PDS5B: variants seen among roughly 807,000 people sequenced by gnomAD.
PDS5B encodes PDS5 cohesin associated factor B, also known as sister chromatid cohesion protein PDS5 homolog B.
Under a neutral mutation model 184.1 loss-of-function variants are expected in PDS5B, and 51 were observed. That is an observed-to-expected ratio of 0.28 (90% confidence interval 0.22 to 0.35). The LOEUF is 0.35. PDS5B is among the 10% of genes least tolerant of loss of function. The probability of loss-of-function intolerance (pLI) is 1.00; values close to 1 mark genes in which losing one functional copy is unlikely to be tolerated. For missense variants in PDS5B, 1,180 were observed against 1,723.3 expected (o/e 0.68, Z 5.58); for synonymous variants, 566 against 569.2 (o/e 0.99, Z 0.08).
chr13:32,597,843 C>CAA (rs779825923), intron 1 of PDS5B, among the ~76,000 whole-genome samples: 1 of 84,100 alleles, frequency 1.2e-5, no homozygotes, highest in Non-Finnish European at 2.5e-5. Flanking sequence ...GACTCTGTCT[C>CAA]AAAAAAAAAA....
intron 31 of PDS5B, among the ~76,000 whole-genome samples, chr13:32,769,165 TA>T: frequency 6.6e-6 from 1 of 151,358 alleles, no homozygotes; most frequent in East Asian, 1.9e-4. Context: ...AAATAACACT[TA>T]AAAATAAGCA....
chr13:32,719,175 GTTA>G (rs1199449525), intron 19 of PDS5B, among the ~76,000 whole-genome samples: 1 of 152,080 alleles, frequency 6.6e-6, no homozygotes, highest in Admixed American at 6.6e-5. Context: ...TTGGATTATT[GTTA>G]TTATTACTAT....
In PDS5B at chr13:32,735,177, G is replaced by T; in HGVS notation, c.2253G>T (p.Leu751=). 1 of 1,581,698 alleles carries T rather than the reference G, an allele frequency of 6.3e-7. No homozygotes were observed. The highest frequency in any genetic ancestry group is 1.2e-5 in the South Asian group (1 of 82,458). The stretch of plus-strand genomic sequence containing the variant: ...TTTCCTCCCCTCATTTTCAGCCTCT[G>T]CATAAGAGCCTAGATCCAAGCAACC... The part of the protein sequence containing the change: ...ETQFAQIFEP[L]HKSLDPSNLE... Residue 751 remains leucine (L), a synonymous_variant, in exon 21 of 35, where the codon CTG becomes CTT. Transcript: ENST00000315596.
intron 19 of PDS5B, among the ~76,000 whole-genome samples, chr13:32,717,687 TAA>T (rs1293060097): frequency 0.023 from 1,359 of 58,678 alleles, 25 homozygotes; most frequent in African/African-American, 0.077. Flanking sequence ...GAATGATCAA[TAA>T]AAAAAAAAAA....
intron 15 of PDS5B, 101 bp downstream of exon 15, chr13:32,697,003 A>G (rs1951726925): frequency 3.0e-6 from 2 of 667,546 alleles, no homozygotes; most frequent in South Asian, 1.9e-5. Context: ...ATGATAATAT[A>G]GGAATTTTAA....
At chr13:32,729,636 AT>A (rs1953032618) in intron 19 of PDS5B, among the ~76,000 whole-genome samples, 1 of 152,172 alleles carries the variant, frequency 6.6e-6, no homozygotes. Context: ...AATGATCGCA[AT>A]TCTAACTGAT....
intron 14 of PDS5B, among the ~76,000 whole-genome samples, chr13:32,695,513 TA>T (rs2140852654): frequency 6.6e-6 from 1 of 152,096 alleles, no homozygotes; most frequent in Admixed American, 6.6e-5. Context: ...GAGCTCTGTA[TA>T]TTTACCTCCT....
rs969519207 is a variant in PDS5B, at chr13:32,773,203, C to G, written c.4187C>G (p.Ser1396Cys). 1.2e-6 allele frequency: 2 copies of G among 1,612,014 alleles called. No homozygotes were observed. Among genetic ancestry groups the G allele is most frequent in the Non-Finnish European group, 1.7e-6 (2 of 1,179,192 alleles). Residue 1396 changes from serine (S) to cysteine (C), a missense_variant, in exon 34 of 35, where the codon TCC becomes TGC. Physicochemically the swap from Ser to Cys is moderately radical, Grantham distance 112 (BLOSUM62 -1). Coordinates refer to ENST00000315596, the MANE Select transcript of PDS5B (RefSeq NM_015032.4). ...TTTTACTCTAGCCGTGTAGGACGCT[C>G]CAAACAAGCAGCTACTAAGGAAAAT... ...QPKKNVRVGR[S>C]KQAATKENDS...
intron 19 of PDS5B, among the ~76,000 whole-genome samples, chr13:32,717,623 C>T (rs1470254403): frequency 2.9e-5 from 4 of 138,754 alleles, no homozygotes; most frequent in Admixed American, 7.2e-5. Flanking sequence ...GCTGACCTTC[C>T]CTCCACTATT....
chr13:32,672,379 A>G (rs1239629833), intron 7 of PDS5B, among the ~76,000 whole-genome samples: 1 of 152,006 alleles, frequency 6.6e-6, no homozygotes, highest in Non-Finnish European at 1.5e-5. Flanking sequence ...GAGTGTATGT[A>G]TATACAGACA....
intron 1 of PDS5B, among the ~76,000 whole-genome samples, chr13:32,620,075 A>G (rs2058275622): frequency 1.3e-5 from 2 of 152,120 alleles, no homozygotes; most frequent in African/African-American, 4.8e-5. Flanking sequence ...CTAGGATTAC[A>G]GTCATGAGCC....
chr13:32,708,291 C>T (rs1952089630), intron 18 of PDS5B, among the ~76,000 whole-genome samples: 1 of 152,236 alleles, frequency 6.6e-6, no homozygotes, highest in South Asian at 2.1e-4. Context: ...CCCTTGAATT[C>T]TTTCCTTGGC....
intron 24 of PDS5B, among the ~76,000 whole-genome samples, chr13:32,748,479 T>A (rs1446886404): frequency 1.1e-4 from 17 of 149,454 alleles, no homozygotes; most frequent in African/African-American, 4.0e-4. Flanking sequence ...TTTTTTTTTT[T>A]AAATGTATGT....
At chr13:32,600,570 G>C (rs2057958247) in intron 1 of PDS5B, among the ~76,000 whole-genome samples, 1 of 152,142 alleles carries the variant, frequency 6.6e-6, no homozygotes, top group Non-Finnish European at 1.5e-5. Context: ...GCAAAACCCT[G>C]TCTCTACAAA....
intron 24 of PDS5B, among the ~76,000 whole-genome samples, chr13:32,748,088 T>C (rs757005420): frequency 6.6e-6 from 1 of 152,234 alleles, no homozygotes; most frequent in Non-Finnish European, 1.5e-5. Flanking sequence ...CATGTGTCAG[T>C]GGTTAAAAAT....
At chr13:32,720,611 TTTTATTTA>T (rs144745684) in intron 19 of PDS5B, among the ~76,000 whole-genome samples, 2 of 151,372 alleles carry the variant, frequency 1.3e-5, no homozygotes, top group African/African-American at 4.8e-5. Flanking sequence ...TATTTTTTAT[TTTTATTTA>T]TTTATTTATT....
chr13:32,620,738 A>G (rs1301751329), intron 1 of PDS5B, among the ~76,000 whole-genome samples: 2 of 152,140 alleles, frequency 1.3e-5, no homozygotes, highest in Non-Finnish European at 2.9e-5. Context: ...ATGTGTTTCA[A>G]CATGAAGAAT....
intron 19 of PDS5B, among the ~76,000 whole-genome samples, chr13:32,715,861 G>C (rs1190876198): frequency 6.6e-6 from 1 of 152,232 alleles, no homozygotes; most frequent in Non-Finnish European, 1.5e-5. Flanking sequence ...GGGTTTTGCT[G>C]TGTTGGCCGG....
intron 33 of PDS5B, among the ~76,000 whole-genome samples, chr13:32,772,142 C>T (rs911113819): frequency 6.6e-5 from 10 of 152,032 alleles, no homozygotes; most frequent in African/African-American, 1.9e-4. Context: ...TCATTAATCT[C>T]GAAAAACCAA....
Sources: allele counts gnomAD v4.1 joint callset (sites outside exome capture counted in the v4.1 genomes callset), GRCh38; gene constraint gnomAD v4.1.1; transcripts MANE v1.5; gene names NCBI Gene and HGNC (gene_info 2026-07-23, HGNC 2026-07-21).